NRG3: variants seen among roughly 807,000 people sequenced by gnomAD.
NRG3 encodes the protein neuregulin 3, also known as pro-neuregulin-3, membrane-bound isoform.
In NRG3, 31 loss-of-function variants were observed where a neutral mutation model predicts 66.9. The observed-to-expected ratio is 0.46, with a 90% confidence interval of 0.35 to 0.63. The LOEUF is 0.63. NRG3 is among the 20% of genes least tolerant of loss of function. The probability of loss-of-function intolerance (pLI) is 0.00; values close to 1 mark genes in which losing one functional copy is unlikely to be tolerated. For synonymous variants in NRG3, 393 were observed against 359.4 expected (o/e 1.09, Z -1.06); for missense variants, 910 against 878.9 (o/e 1.04, Z -0.45).
rs185980204 is a variant in NRG3, at chr10:82,827,286, G to C, written c.1028-38125G>C. On this transcript the variant is annotated intron_variant, in intron 3 of 8. Coordinates refer to ENST00000372141, the MANE Select transcript of NRG3 (RefSeq NM_001010848.4). ...TCAAAGACTGGAACAACAACAAAAA[G>C]AAAACAAAGGCAACAGCACACAGAT... 3.7e-3 allele frequency: 1,021 copies of C among 276,860 alleles called. 26 individuals are homozygous for C. Among genetic ancestry groups the C allele is most frequent in the Admixed American group, 0.035 (663 of 18,872 alleles). The allele number at this position is 276,860 out of a possible 1,614,324, so 17.2% of individuals were successfully genotyped here. A position where few individuals can be genotyped will look rare whatever the true frequency, so the allele number is the denominator to read the frequency against.
intron 2 of NRG3, among the ~76,000 whole-genome samples, chr10:82,642,988 T>C (rs1031210729): frequency 6.6e-6 from 1 of 152,202 alleles, no homozygotes; most frequent in Admixed American, 6.5e-5. Flanking sequence ...TCCTTTAAAA[T>C]AATTTTAGGG....
intron 3 of NRG3, among the ~76,000 whole-genome samples, chr10:82,849,607 T>C (rs1039103716): frequency 6.6e-6 from 1 of 152,194 alleles, no homozygotes; most frequent in Non-Finnish European, 1.5e-5. Flanking sequence ...TGACCTCTGA[T>C]AAGATGCCAT....
intron 1 of NRG3, among the ~76,000 whole-genome samples, chr10:81,902,684 T>C (rs1380724160): frequency 6.6e-6 from 1 of 152,184 alleles, no homozygotes; most frequent in Non-Finnish European, 1.5e-5. Context: ...CATCCTGCAC[T>C]AAGACACCTG....
intron 1 of NRG3, among the ~76,000 whole-genome samples, chr10:82,344,860 T>C (rs1379906643): frequency 2.4e-5 from 3 of 127,086 alleles, no homozygotes; most frequent in Non-Finnish European, 4.6e-5. Context: ...ATAAATGTCT[T>C]CTTTTGAGAA....
At chr10:81,952,181 T>G (rs1030683908) in intron 1 of NRG3, among the ~76,000 whole-genome samples, 1 of 152,144 alleles carries the variant, frequency 6.6e-6, no homozygotes. Flanking sequence ...ACGTGGCACA[T>G]GTATGCATAT....
At chr10:82,605,442 G>A (rs1305814767) in intron 2 of NRG3, among the ~76,000 whole-genome samples, 1 of 151,818 alleles carries the variant, frequency 6.6e-6, no homozygotes, top group African/African-American at 2.4e-5. Flanking sequence ...CTTGTTTGCG[G>A]TATAGAATTC....
intron 1 of NRG3, among the ~76,000 whole-genome samples, chr10:81,993,371 G>T (rs1427485038): frequency 6.6e-6 from 1 of 152,108 alleles, no homozygotes; most frequent in African/African-American, 2.4e-5. Context: ...TTTTGAGACA[G>T]GGTCTTGCTC....
rs188009061 is a variant in NRG3 at position 82,958,646 on chromosome 10, C to A, written c.1158-303C>A. Among the ~76,000 whole-genome samples, 571 of 152,276 alleles carry A rather than the reference C, an allele frequency of 3.7e-3. 3 individuals carry two copies. Among genetic ancestry groups the A allele is most frequent in the African/African-American group, 8.5e-3 (352 of 41,566 alleles). On this transcript the variant is annotated intron_variant, in intron 5 of 8. Coordinates refer to ENST00000372141, the MANE Select transcript of NRG3 (RefSeq NM_001010848.4). ...TTCCCATAGTATTTCCAGTTCTTTG[C>A]AGCTAAAACTCAGGGTTAGAGACTT...
chr10:82,903,571 A>G (rs1367240549), intron 4 of NRG3, among the ~76,000 whole-genome samples: 3 of 152,174 alleles, frequency 2.0e-5, no homozygotes, highest in Non-Finnish European at 4.4e-5. Flanking sequence ...GACACAATTC[A>G]TCTTGTAAAC....
intron 1 of NRG3, among the ~76,000 whole-genome samples, chr10:82,187,016 C>G (rs1294486192): frequency 1.3e-5 from 2 of 152,070 alleles, no homozygotes; most frequent in African/African-American, 2.4e-5. Context: ...AGAATAGAGC[C>G]CAATCTAGGC....
At chr10:82,932,217 G>A (rs997770671) in intron 4 of NRG3, among the ~76,000 whole-genome samples, 1 of 152,122 alleles carries the variant, frequency 6.6e-6, no homozygotes, top group Non-Finnish European at 1.5e-5. Flanking sequence ...GGATTCCGTA[G>A]GACAGCCTTC....
intron 1 of NRG3, among the ~76,000 whole-genome samples, chr10:82,067,274 T>C (rs2064532245): frequency 6.6e-6 from 1 of 152,236 alleles, no homozygotes; most frequent in Non-Finnish European, 1.5e-5. Flanking sequence ...GACTGAATTG[T>C]ATTTTCTTTT....
Position 81,959,673 on chromosome 10 carries a change from A to AT in NRG3, c.823+83520dup, listed in dbSNP as rs1010371637. Among the ~76,000 whole-genome samples the AT allele has an allele frequency of 6.5e-4, 96 of 147,074 alleles. 1 individual carries two copies. The highest frequency in any genetic ancestry group is 1.4e-3 in the Admixed American group (20 of 14,720). On this transcript the variant is annotated intron_variant, in intron 1 of 8. Coordinates refer to ENST00000372141, the MANE Select transcript of NRG3 (RefSeq NM_001010848.4). ...CTCCAAGTCTTCCACTTTTAACTTC[A>AT]TTTTTTTTTTAGAGATACAGAAGGG...
At chr10:81,937,841 CCCCTGATTCAT>C (rs1349332454) in intron 1 of NRG3, among the ~76,000 whole-genome samples, 2 of 152,054 alleles carry the variant, frequency 1.3e-5, no homozygotes, top group African/African-American at 4.8e-5. Context: ...TAAAGCTTCT[CCCCTGATTCAT>C]CCAGTAGTTT....
intron 3 of NRG3, among the ~76,000 whole-genome samples, chr10:82,744,461 A>G (rs72831311): frequency 0.016 from 2,405 of 152,204 alleles, 41 homozygotes; most frequent in Non-Finnish European, 0.024. Context: ...CTCTTTTGGA[A>G]GGGCTTGAAT....
chr10:82,007,913 A>G (rs1473542997), intron 1 of NRG3, among the ~76,000 whole-genome samples: 1 of 151,938 alleles, frequency 6.6e-6, no homozygotes, highest in Non-Finnish European at 1.5e-5. Context: ...AAAAAATTAA[A>G]TTGACTTTCT....
At chr10:82,262,391 T>C (rs114369413) in intron 1 of NRG3, among the ~76,000 whole-genome samples, 3,220 of 152,286 alleles carry the variant, frequency 0.021, 83 homozygotes, top group African/African-American at 0.063. Context: ...AAAGAGATCA[T>C]TCTGTTTGAC....
intron 1 of NRG3, among the ~76,000 whole-genome samples, chr10:82,154,552 T>G (rs1260640678): frequency 1.4e-5 from 2 of 146,014 alleles, no homozygotes; most frequent in South Asian, 2.1e-4. Context: ...CTATTTGGGG[T>G]TTTTTTTTTG....
chr10:82,040,364 T>C (rs527915676), intron 1 of NRG3, among the ~76,000 whole-genome samples: 1 of 151,854 alleles, frequency 6.6e-6, no homozygotes, highest in East Asian at 1.9e-4. Context: ...CAGACATATA[T>C]ACATATATAT....
Sources: allele counts gnomAD v4.1 joint callset (sites outside exome capture counted in the v4.1 genomes callset), GRCh38; gene constraint gnomAD v4.1.1; transcripts MANE v1.5; gene names NCBI Gene and HGNC (gene_info 2026-07-23, HGNC 2026-07-21).